The following GRHL2 variants were observed in gnomAD, a reference collection of about 807,000 sequenced individuals.
The protein encoded by GRHL2 is grainyhead like transcription factor 2, also known as grainyhead-like protein 2 homolog.
A neutral mutation model predicts 83.8 loss-of-function variants in GRHL2; 21 were observed. The observed-to-expected ratio is 0.25, with a 90% CI of 0.18 to 0.36. GRHL2 has a LOEUF of 0.36. Ranked by LOEUF, GRHL2 falls within the 10% of genes least tolerant of loss-of-function variation. The pLI, the probability that GRHL2 is intolerant of heterozygous loss-of-function variation, is 1.00. For synonymous variants in GRHL2, 280 were observed against 278.9 expected (o/e 1.00, Z -0.04); for missense variants, 623 against 781.8 (o/e 0.80, Z 2.42).
intron 11 of GRHL2, among the ~76,000 whole-genome samples, chr8:101,632,775 T>C (rs1249578221): frequency 6.6e-6 from 1 of 152,214 alleles, no homozygotes; most frequent in Non-Finnish European, 1.5e-5. Flanking sequence ...TAAATAAAAC[T>C]CATTCAACAA....
At chr8:101,620,802 G>A (rs1224075581) in intron 9 of GRHL2, among the ~76,000 whole-genome samples, 24 of 152,160 alleles carry the variant, frequency 1.6e-4, no homozygotes, top group Admixed American at 1.5e-3. Context: ...GGGTGGGAGG[G>A]TACAGATCTA....
At chr8:101,619,829 G>T in intron 9 of GRHL2, 132 bp downstream of exon 9, 2 of 654,140 alleles carry the variant, frequency 3.1e-6, no homozygotes, top group South Asian at 2.0e-5. Context: ...CAGTGGGAGT[G>T]GTAATCTTCT....
chr8:101,564,631 C>A lies in GRHL2; in HGVS notation c.679-5708C>A, dbSNP rs561317946. Among the ~76,000 whole-genome samples, 3 of 151,706 alleles carry A rather than the reference C, an allele frequency of 2.0e-5. No individual in the cohort carries two copies. The East Asian group carries it at 5.8e-4, about 29-fold the overall frequency. ...GACTAGCCTGGGCAACATAGTGAGACCCTGTCTCTACAAAAATACAAAATA... is the reference window on the plus strand; with the variant it reads ...GACTAGCCTGGGCAACATAGTGAGAACCTGTCTCTACAAAAATACAAAATA... On this transcript the variant is annotated intron_variant, in intron 4 of 15. Transcript: ENST00000646743.
At chr8:101,580,521 CT>C (rs959226396) in intron 7 of GRHL2, among the ~76,000 whole-genome samples, 15 of 137,686 alleles carry the variant, frequency 1.1e-4, no homozygotes, top group African/African-American at 3.7e-4. Flanking sequence ...TCCCAAAGTG[CT>C]GGGATTACAG....
intron 8 of GRHL2, among the ~76,000 whole-genome samples, chr8:101,611,821 G>T (rs992879557): frequency 8.6e-5 from 13 of 150,756 alleles, no homozygotes; most frequent in African/African-American, 2.2e-4. Context: ...TGCCTTTCAG[G>T]TTCTTTCTTC....
rs530016301 is a variant in GRHL2, at chr8:101,619,170, G to A, written c.1099-369G>A. Among the ~76,000 whole-genome samples the A allele has an allele frequency of 5.9e-5, 9 of 152,104 alleles. No homozygotes were observed. The East Asian group carries it at 1.5e-3, about 26-fold the overall frequency. The stretch of plus-strand genomic sequence containing the variant: ...CGGGAGGCTTAGGCAGGAGAATGGC[G>A]TGAACCTGGGAGGGGGAGGTTGCAG... On this transcript the variant is annotated intron_variant, in intron 8 of 15. Coordinates refer to ENST00000646743, the MANE Select transcript of GRHL2 (RefSeq NM_024915.4).
intron 1 of GRHL2, among the ~76,000 whole-genome samples, chr8:101,531,557 T>TAC (rs148930541): frequency 2.4e-4 from 36 of 151,464 alleles, no homozygotes; most frequent in African/African-American, 4.6e-4. Context: ...GATTTTGATT[T>TAC]ACACACACAC....
intron 1 of GRHL2, among the ~76,000 whole-genome samples, chr8:101,515,176 G>GTCTCTCTGCACACACACACA (rs1554582183): frequency 6.9e-6 from 1 of 144,444 alleles, no homozygotes; most frequent in Non-Finnish European, 1.5e-5. Flanking sequence ...CTGTCTCTCT[G>GTCTCTCTGCACACACACACA]CACACACACA....
chr8:101,628,917 A>C (rs1217361709), intron 9 of GRHL2, among the ~76,000 whole-genome samples: 1 of 152,184 alleles, frequency 6.6e-6, no homozygotes, highest in Non-Finnish European at 1.5e-5. Flanking sequence ...GAGGAGTTGC[A>C]TCTTATGGAT....
chr8:101,560,452 A>G (rs1811586055), intron 4 of GRHL2, among the ~76,000 whole-genome samples: 1 of 152,200 alleles, frequency 6.6e-6, no homozygotes, highest in African/African-American at 2.4e-5. Flanking sequence ...GCTATTATGA[A>G]AAATGCTGCT....
intron 7 of GRHL2, among the ~76,000 whole-genome samples, chr8:101,594,069 CAAAAAAAAAAAAA>C (rs534396520): frequency 2.4e-4 from 12 of 49,082 alleles, no homozygotes; most frequent in Non-Finnish European, 3.1e-4. Flanking sequence ...GAGTCTGTAT[CAAAAAAAAAAAAA>C]AAAAAAAAAA....
chr8:101,674,684 G>C (rs184170735), downstream of GRHL2, among the ~76,000 whole-genome samples: 4 of 152,134 alleles, frequency 2.6e-5, no homozygotes, highest in African/African-American at 9.7e-5. Context: ...TAGAAAAAGA[G>C]GAAATCCTCC....
chr8:101,622,071 C>A (rs1812977510), intron 9 of GRHL2, among the ~76,000 whole-genome samples: 1 of 151,682 alleles, frequency 6.6e-6, no homozygotes, highest in African/African-American at 2.4e-5. Flanking sequence ...CCAGTATAAC[C>A]AATACAAAAT....
chr8:101,589,783 T>C (rs1812240961), intron 7 of GRHL2, among the ~76,000 whole-genome samples: 1 of 152,206 alleles, frequency 6.6e-6, no homozygotes, highest in African/African-American at 2.4e-5. Context: ...GATATATTAA[T>C]AGACGGGTCA....
chr8:101,612,842 A>G (rs1445823626), intron 8 of GRHL2, among the ~76,000 whole-genome samples: 1 of 150,976 alleles, frequency 6.6e-6, no homozygotes, highest in Non-Finnish European at 1.5e-5. Context: ...GAAGGCAAGT[A>G]CCCTCCTCTT....
rs561596872 is a variant in GRHL2 at position 101,597,314 on chromosome 8, C to T, written c.1004-1743C>T. Among the ~76,000 whole-genome samples the T allele has an allele frequency of 3.5e-4, 53 of 152,184 alleles. 1 individual carries two copies. The highest frequency in any genetic ancestry group is 3.4e-3 in the Middle Eastern group (1 of 292). ...GGGATGGGAGATAAGTAAACTGTGG[C>T]GACAGTCCCTGGAGCCACAGTTAGA... On this transcript the variant is annotated intron_variant, in intron 7 of 15. Coordinates refer to ENST00000646743, the MANE Select transcript of GRHL2 (RefSeq NM_024915.4).
intron 8 of GRHL2, among the ~76,000 whole-genome samples, chr8:101,601,177 CACACACACACACCCCACCA>C (rs1812503826): frequency 2.6e-5 from 4 of 151,320 alleles, no homozygotes; most frequent in Non-Finnish European, 5.9e-5. Context: ...CACACACACA[CACACACACACACCCCACCA>C]CCACCACCAC....
intron 2 of GRHL2, among the ~76,000 whole-genome samples, chr8:101,550,816 T>C (rs906451290): frequency 3.9e-5 from 6 of 152,364 alleles, no homozygotes; most frequent in Non-Finnish European, 8.8e-5. Flanking sequence ...GTCTGTGAAT[T>C]TGAGTCTTCT....
intron 3 of GRHL2, among the ~76,000 whole-genome samples, chr8:101,558,118 G>T (rs1037263003): frequency 2.6e-5 from 4 of 152,134 alleles, no homozygotes. Flanking sequence ...ATCCGCCTTG[G>T]CCTCCCAAAG....
Sources: gnomAD v4.1 joint callset for allele counts (sites outside exome capture counted in the v4.1 genomes callset) on GRCh38, gnomAD v4.1.1 for gene constraint, MANE v1.5 for transcripts, NCBI Gene and HGNC (gene_info 2026-07-23, HGNC 2026-07-21) for gene names.